Variants in RGPD6 observed in about 807,000 individuals in gnomAD.
The protein encoded by RGPD6 is RANBP2 like and GRIP domain containing 6, also known as RANBP2-like and GRIP domain-containing protein 5/6.
At chr2:110,594,073 G>C in the RGPD6 span, among the ~76,000 whole-genome samples, 14 of 143,058 alleles carry the variant, frequency 9.8e-5, no homozygotes, top group Non-Finnish European at 1.9e-4. Context: ...GTCCAGGAAT[G>C]CAAGGTTGGT....
At chr2:110,610,281 A>G in the RGPD6 span, among the ~76,000 whole-genome samples, 1 of 132,922 alleles carries the variant, frequency 7.5e-6, no homozygotes, top group Middle Eastern at 3.5e-3. Flanking sequence ...CTCTAAGGGC[A>G]CTTCGCAGCA....
chr2:110,603,862 A>G, the RGPD6 span, among the ~76,000 whole-genome samples: 291 of 149,560 alleles, frequency 1.9e-3, 4 homozygotes, highest in African/African-American at 6.3e-3. Flanking sequence ...TAAGGCCCCT[A>G]TCATATCCCG....
chr2:110,591,535 T>C, the RGPD6 span, among the ~76,000 whole-genome samples: 1 of 148,102 alleles, frequency 6.8e-6, no homozygotes, highest in East Asian at 2.0e-4. Flanking sequence ...CAAAATCTCC[T>C]ACAGCCCCTT....
At chr2:110,608,412 A>T in the RGPD6 span, among the ~76,000 whole-genome samples, 1 of 151,450 alleles carries the variant, frequency 6.6e-6, no homozygotes, top group Non-Finnish European at 1.5e-5. Context: ...AAAACAATGG[A>T]TATGAAAGTA....
At chr2:110,604,468 A>G in the RGPD6 span, among the ~76,000 whole-genome samples, 1 of 141,272 alleles carries the variant, frequency 7.1e-6, no homozygotes, top group Non-Finnish European at 1.5e-5. Context: ...TGAGCTGCCC[A>G]GGGCCAAACA....
the RGPD6 span, among the ~76,000 whole-genome samples, chr2:110,593,159 T>TA: frequency 2.0e-5 from 3 of 148,050 alleles, no homozygotes; most frequent in Non-Finnish European, 4.4e-5. Flanking sequence ...CAACAGCCCT[T>TA]AGAGTTAGGC....
At chr2:110,589,316 C>CTG in the RGPD6 span, among the ~76,000 whole-genome samples, 47 of 146,994 alleles carry the variant, frequency 3.2e-4, no homozygotes, top group African/African-American at 1.1e-3. Flanking sequence ...TGCCACTGCA[C>CTG]TCCAGCCTGG....
the RGPD6 span, among the ~76,000 whole-genome samples, chr2:110,607,658 T>C: frequency 6.8e-6 from 1 of 147,534 alleles, no homozygotes; most frequent in African/African-American, 2.5e-5. Flanking sequence ...TAAATTCCAA[T>C]TTGTTCAATT....
chr2:110,600,460 C>T, the RGPD6 span, among the ~76,000 whole-genome samples: 2 of 11,752 alleles, frequency 1.7e-4, no homozygotes, highest in African/African-American at 3.0e-4. Context: ...GTTTTGTAGA[C>T]GACTTTTTTT....
chr2:110,606,246 G>A, the RGPD6 span, among the ~76,000 whole-genome samples: 1 of 144,512 alleles, frequency 6.9e-6, no homozygotes. Context: ...GTTACTGGGG[G>A]TCATGGTCTG....
the RGPD6 span, among the ~76,000 whole-genome samples, chr2:110,607,299 C>T: frequency 1.3e-5 from 2 of 151,608 alleles, no homozygotes; most frequent in Non-Finnish European, 1.5e-5. Flanking sequence ...CACCTTTTTC[C>T]AAGTTCTCCA....
chr2:110,572,251 C>T (rs1688359226), intron 1 of RGPD6, among the ~76,000 whole-genome samples: 1 of 7,200 alleles, frequency 1.4e-4, no homozygotes. Context: ...TCCCCCCTTC[C>T]TTTTTTTTTT....
the RGPD6 span, among the ~76,000 whole-genome samples, chr2:110,591,629 C>A: frequency 5.3e-5 from 8 of 151,540 alleles, no homozygotes; most frequent in Middle Eastern, 3.2e-3. Flanking sequence ...GCTCACCTAA[C>A]TGCACCCCTG....
the RGPD6 span, among the ~76,000 whole-genome samples, chr2:110,593,933 GT>G: frequency 9.6e-5 from 13 of 135,184 alleles, no homozygotes; most frequent in African/African-American, 4.1e-4. Flanking sequence ...TATCTCAAGT[GT>G]TCATGAACTT....
At chr2:110,576,897 C>CGT (rs1688399029) in intron 1 of RGPD6, 56 bp downstream of exon 1, 1 of 245,686 alleles carries the variant, frequency 4.1e-6, no homozygotes, top group Admixed American at 1.2e-4. Context: ...CGCCGCCCCC[C>CGT]CCCTCCCCCC....
chr2:110,604,397 T>TA, the RGPD6 span, among the ~76,000 whole-genome samples: 1 of 146,636 alleles, frequency 6.8e-6, no homozygotes, highest in Non-Finnish European at 1.5e-5. Flanking sequence ...TAGGCCAGTC[T>TA]AAGTGCTGTC....
chr2:110,605,295 C>T, the RGPD6 span, among the ~76,000 whole-genome samples: 2 of 151,568 alleles, frequency 1.3e-5, no homozygotes, highest in African/African-American at 4.9e-5. Context: ...TTTGCCTCCT[C>T]GTACCTGCCG....
the RGPD6 span, among the ~76,000 whole-genome samples, chr2:110,594,435 GA>G: frequency 1.4e-5 from 1 of 72,714 alleles, no homozygotes. Flanking sequence ...AATCGGGCAA[GA>G]AAAAAAAATT....
the RGPD6 span, among the ~76,000 whole-genome samples, chr2:110,608,520 G>A: frequency 3.8e-5 from 5 of 131,830 alleles, no homozygotes; most frequent in Non-Finnish European, 8.0e-5. Flanking sequence ...CCATAAAACT[G>A]AGAACATAGC....
Sources: gnomAD v4.1 joint callset for allele counts (sites outside exome capture counted in the v4.1 genomes callset) on GRCh38, gnomAD v4.1.1 for gene constraint, MANE v1.5 for transcripts, NCBI Gene and HGNC (gene_info 2026-07-23, HGNC 2026-07-21) for gene names.